The following FGF10 variants were observed in gnomAD, a reference collection of about 807,000 sequenced individuals.
FGF10 encodes the protein fibroblast growth factor 10.
In FGF10, 2 loss-of-function variants were observed where a neutral mutation model predicts 19.8. The ratio of observed to expected loss-of-function variants is 0.10; its 90% confidence interval spans 0.04 to 0.32. The LOEUF (loss-of-function observed/expected upper bound fraction) is 0.32. Among genes scored for constraint, FGF10 ranks in the 10% least tolerant of loss-of-function variants. The pLI is 1.00. For synonymous variants in FGF10, 112 were observed against 94.0 expected (o/e 1.19, Z -1.10); for missense variants, 191 against 246.3 (o/e 0.78, Z 1.50).
chr5:44,320,763 C>G (rs1740467492), intron 1 of FGF10, among the ~76,000 whole-genome samples: 1 of 151,736 alleles, frequency 6.6e-6, no homozygotes, highest in South Asian at 2.1e-4. Flanking sequence ...TAGGGTCTCA[C>G]TCTGTCACCC....
intron 1 of FGF10, among the ~76,000 whole-genome samples, chr5:44,369,559 A>G (rs370916611): frequency 2.0e-5 from 3 of 152,142 alleles, no homozygotes; most frequent in Admixed American, 6.5e-5. Context: ...TTCCTCATAA[A>G]TAGCAGTGGC....
intron 1 of FGF10, among the ~76,000 whole-genome samples, chr5:44,349,453 T>TATATATATATATCAGA (rs1554038159): frequency 0.016 from 363 of 23,030 alleles, 4 homozygotes; most frequent in South Asian, 0.11. Context: ...TATATATATA[T>TATATATATATATCAGA]ATATATATAT....
In FGF10 at chr5:44,301,579, G is replaced by A. The variant is rs1020767902; in HGVS notation, c.*3416C>T. ...TTCCATTGTTTCATAAGCCATCCTC[G>A]TTTCCAATTCATTTTTCTTTATCCA... On this transcript the variant is annotated 3_prime_UTR_variant, in exon 3 of 3. Coordinates refer to ENST00000264664, the MANE Select transcript of FGF10 (RefSeq NM_004465.2). Among the ~76,000 whole-genome samples, 6 of 152,130 alleles carry A rather than the reference G, an allele frequency of 3.9e-5. No homozygotes were observed. The highest frequency in any genetic ancestry group is 6.6e-5 in the Admixed American group (1 of 15,262).
At chr5:44,363,205 G>A (rs561427538) in intron 1 of FGF10, among the ~76,000 whole-genome samples, 5 of 151,766 alleles carry the variant, frequency 3.3e-5, no homozygotes, top group South Asian at 2.1e-4. Flanking sequence ...TGAATTCACC[G>A]TTAATACAGT....
intron 1 of FGF10, among the ~76,000 whole-genome samples, chr5:44,361,773 G>GAA (rs1189795055): frequency 6.6e-6 from 1 of 151,582 alleles, no homozygotes. Context: ...AAGTTTGCTT[G>GAA]AAAATTTTCC....
chr5:44,326,472 C>T (rs556170459), intron 1 of FGF10, among the ~76,000 whole-genome samples: 13 of 152,208 alleles, frequency 8.5e-5, no homozygotes, highest in African/African-American at 2.9e-4. Context: ...GATCATGGCT[C>T]ATTACAGCTT....
At chr5:44,355,369 G>T (rs1465137598) in intron 1 of FGF10, among the ~76,000 whole-genome samples, 1 of 151,226 alleles carries the variant, frequency 6.6e-6, no homozygotes. Flanking sequence ...CATGATAAAA[G>T]AACAGATCAA....
Position 44,388,482 on chromosome 5 carries a change from C to A in FGF10, c.201G>T (p.Val67=), listed in dbSNP as rs1482332268. Residue 67 remains valine, a synonymous_variant, in exon 1 of 3, where the codon GTG becomes GTT. Transcript: ENST00000264664. Reference sequence around the variant, plus strand: ...CTCCTTGAAGGTGATTGTAGCTCCGCACATGCCTTCCCGCGCTGGAAGGAG... The same window carrying A: ...CTCCTTGAAGGTGATTGTAGCTCCGAACATGCCTTCCCGCGCTGGAAGGAG... ...FSSPSSAGRH[V]RSYNHLQGDV... 4.3e-6 allele frequency: 7 copies of A among 1,614,100 alleles called. No individual in the cohort carries two copies. The highest frequency in any genetic ancestry group is 1.3e-5 in the African/African-American group (1 of 75,040).
chr5:44,358,217 T>A (rs1222540444), intron 1 of FGF10, among the ~76,000 whole-genome samples: 1 of 151,518 alleles, frequency 6.6e-6, no homozygotes, highest in Non-Finnish European at 1.5e-5. Flanking sequence ...CGTATGTTCA[T>A]TGGCTAATTT....
chr5:44,368,904 G>C, intron 1 of FGF10, among the ~76,000 whole-genome samples: 1 of 152,082 alleles, frequency 6.6e-6, no homozygotes, highest in East Asian at 1.9e-4. Flanking sequence ...CTGGGCTGAA[G>C]CAATCCTCCT....
In FGF10 at chr5:44,303,065, T is replaced by G. The variant is rs536668447; in HGVS notation, c.*1930A>C. 8.5e-5 allele frequency among the ~76,000 whole-genome samples: 13 copies of G among 152,276 alleles called. No homozygotes were observed. Among genetic ancestry groups the G allele is most frequent in the African/African-American group, 3.1e-4 (13 of 41,562 alleles). On this transcript the variant is annotated 3_prime_UTR_variant, in exon 3 of 3. Coordinates refer to ENST00000264664, the MANE Select transcript of FGF10 (RefSeq NM_004465.2). ...AACATCCAGATTCCAACCACAAAAA[T>G]TAAACATTTTTATAATCTCATTTGC...
chr5:44,336,100 A>G (rs1283190003), intron 1 of FGF10, among the ~76,000 whole-genome samples: 1 of 152,018 alleles, frequency 6.6e-6, no homozygotes, highest in Non-Finnish European at 1.5e-5. Context: ...GTTTTTCATC[A>G]TATTTTAAAA....
At chr5:44,359,556 G>T (rs1741428721) in intron 1 of FGF10, among the ~76,000 whole-genome samples, 1 of 151,412 alleles carries the variant, frequency 6.6e-6, no homozygotes, top group Admixed American at 6.6e-5. Context: ...AATAGACTGG[G>T]CTAAAGTGTT....
At chr5:44,326,185 T>C (rs72763181) in intron 1 of FGF10, among the ~76,000 whole-genome samples, 11,464 of 152,278 alleles carry the variant, frequency 0.075, 553 homozygotes, top group Middle Eastern at 0.11. Flanking sequence ...TTTTTCCTTA[T>C]GTATAGATTA....
At position 44,300,266 on chromosome 5, in the gene FGF10, T is replaced by TC. The variant is rs1739942606; in HGVS notation, c.*4728_*4729insG. Among the ~76,000 whole-genome samples, 5 of 152,148 alleles carry TC rather than the reference T, an allele frequency of 3.3e-5. No individual in the cohort carries two copies. Among genetic ancestry groups the TC allele is most frequent in the Admixed American group, 2.0e-4 (3 of 15,250 alleles). On this transcript the variant is annotated 3_prime_UTR_variant, in exon 3 of 3. Transcript: ENST00000264664. Reference sequence around the variant, plus strand: ...AGCAGGTTTTTTTCTGTTTTTTTTTTATTTTACACTTAAACAATGAATGAC... The same window carrying TC: ...AGCAGGTTTTTTTCTGTTTTTTTTTTCATTTTACACTTAAACAATGAATGAC...
intron 1 of FGF10, among the ~76,000 whole-genome samples, chr5:44,316,687 C>A (rs1002409632): frequency 6.6e-6 from 1 of 152,096 alleles, no homozygotes; most frequent in African/African-American, 2.4e-5. Flanking sequence ...GGCAGCTTAA[C>A]AACAAGAAAA....
At chr5:44,355,519 A>T (rs4866895) in intron 1 of FGF10, among the ~76,000 whole-genome samples, 27,268 of 150,866 alleles carry the variant, frequency 0.18, 2,785 homozygotes, top group Admixed American at 0.3. Flanking sequence ...ATATATTTAC[A>T]ATCTATTTTA....
intron 1 of FGF10, among the ~76,000 whole-genome samples, chr5:44,326,049 T>G (rs1055127454): frequency 6.6e-6 from 1 of 151,944 alleles, no homozygotes; most frequent in African/African-American, 2.4e-5. Context: ...CATTTAAAAA[T>G]AAAAATAAAA....
intron 1 of FGF10, among the ~76,000 whole-genome samples, chr5:44,361,975 A>G (rs149162852): frequency 2.3e-3 from 351 of 151,704 alleles, no homozygotes; most frequent in Non-Finnish European, 3.5e-3. Context: ...TTTTTCCCAA[A>G]CAAATCTCAT....
Sources: gnomAD v4.1 joint callset for allele counts (sites outside exome capture counted in the v4.1 genomes callset) on GRCh38, gnomAD v4.1.1 for gene constraint, MANE v1.5 for transcripts, NCBI Gene and HGNC (gene_info 2026-07-23, HGNC 2026-07-21) for gene names.